GABRB3: variants seen among roughly 807,000 people sequenced by gnomAD.
GABRB3 encodes the protein gamma-aminobutyric acid receptor subunit beta-3.
In GABRB3, 14 loss-of-function variants were observed where a neutral mutation model predicts 52.1. The ratio of observed to expected loss-of-function variants is 0.27; its 90% confidence interval spans 0.18 to 0.42. The LOEUF (loss-of-function observed/expected upper bound fraction) is 0.42. Among genes scored for constraint, GABRB3 ranks in the 10% least tolerant of loss-of-function variants. The pLI is 1.00. For synonymous variants in GABRB3, 260 were observed against 232.3 expected, an observed-to-expected ratio of 1.12 and a Z score of -1.08; for missense variants, 307 against 609.1, an observed-to-expected ratio of 0.50 and a Z score of 5.22.
intron 4 of GABRB3, among the ~76,000 whole-genome samples, chr15:26,584,405 A>C (rs1890904031): frequency 6.6e-6 from 1 of 152,242 alleles, no homozygotes; most frequent in South Asian, 2.1e-4. Flanking sequence ...TACACTTTGG[A>C]ACTCTAAACC....
chr15:26,618,122 A>G (rs894161896), intron 4 of GABRB3, among the ~76,000 whole-genome samples: 1 of 152,164 alleles, frequency 6.6e-6, no homozygotes, highest in Non-Finnish European at 1.5e-5. Flanking sequence ...TGCCATCCCC[A>G]TCAAGCTACC....
chr15:26,600,653 G>C (rs1350335344), intron 4 of GABRB3, among the ~76,000 whole-genome samples: 1 of 152,104 alleles, frequency 6.6e-6, no homozygotes, highest in Non-Finnish European at 1.5e-5. Context: ...AAACGACAAA[G>C]AAATAAAAGC....
chr15:26,718,429 G>A (rs1028931576), intron 3 of GABRB3, among the ~76,000 whole-genome samples: 57 of 152,142 alleles, frequency 3.7e-4, no homozygotes, highest in Admixed American at 1.2e-3. Flanking sequence ...GGCTGCTCTC[G>A]AACTCCCGAC....
chr15:26,624,569 G>A (rs1262700869), intron 3 of GABRB3: 23 of 985,346 alleles, frequency 2.3e-5, no homozygotes, highest in Admixed American at 1.2e-4. Flanking sequence ...ACCACCAGCA[G>A]CGCCTCTCAG....
chr15:26,575,371 G>A (rs988023586), intron 6 of GABRB3, among the ~76,000 whole-genome samples: 1 of 152,138 alleles, frequency 6.6e-6, no homozygotes, highest in Non-Finnish European at 1.5e-5. Context: ...AGGAAGCACA[G>A]GTGAATTGTC....
intron 6 of GABRB3, among the ~76,000 whole-genome samples, chr15:26,580,070 A>G (rs1208800277): frequency 6.6e-6 from 1 of 152,188 alleles, no homozygotes; most frequent in Non-Finnish European, 1.5e-5. Context: ...TTGATTGGTG[A>G]AATTCATCCT....
intron 3 of GABRB3, among the ~76,000 whole-genome samples, chr15:26,769,738 C>T (rs764207900): frequency 2.0e-5 from 3 of 152,132 alleles, no homozygotes; most frequent in Non-Finnish European, 4.4e-5. Flanking sequence ...TACCTCCTTC[C>T]TCCCAGCCAG....
rs373254789 is a variant in GABRB3 at position 26,560,953 on chromosome 15, A to G, written c.1059T>C (p.Arg353=). Residue 353 remains arginine, a synonymous_variant, in exon 8 of 9, where the codon CGT becomes CGC. Transcript: ENST00000311550. The part of the protein sequence containing the change: ...AEKTAKAKND[R]SKSESNRVDA... ...CTACCCGGTTGCTTTCGCTCTTTGAACGGTCATTCTTTGCCTTGGCTGTCT... is the reference window on the plus strand; with the variant it reads ...CTACCCGGTTGCTTTCGCTCTTTGAGCGGTCATTCTTTGCCTTGGCTGTCT... 1.2e-6 allele frequency: 2 copies of G among 1,613,854 alleles called. No homozygotes were observed. The highest frequency in any genetic ancestry group is 2.7e-5 in the African/African-American group (2 of 74,916).
At position 26,621,188 on chromosome 15, in the gene GABRB3, G is replaced by A; in HGVS notation, c.461+126C>T. 1.2e-6 allele frequency: 1 copy of A among 834,646 alleles called. No individual in the cohort carries two copies. The highest frequency in any genetic ancestry group is 2.1e-6 in the Non-Finnish European group (1 of 486,984). 51.7% of individuals were successfully genotyped at this position (834,646 alleles called of 1,614,324 possible). On this transcript the variant is annotated intron_variant, in intron 4 of 8. Transcript: ENST00000311550. The surrounding 1 kb of genome is among the most constrained non-coding windows in gnomAD (Gnocchi z 4.1). ...AGATTTTTTTTTCTGCAAAGCTTTA[G>A]TGCTTCATAGATGCTTCCTAATTTA...
chr15:26,711,230 T>C (rs1365858415), intron 3 of GABRB3, among the ~76,000 whole-genome samples: 11 of 152,224 alleles, frequency 7.2e-5, no homozygotes, highest in Non-Finnish European at 4.4e-5. Flanking sequence ...TTTGAGGACA[T>C]TGTCATATGG....
intron 3 of GABRB3, chr15:26,658,342 T>C (rs1887438265): frequency 6.6e-6 from 1 of 152,218 alleles, no homozygotes; most frequent in African/African-American, 2.4e-5. Flanking sequence ...GTCTCCTGTC[T>C]AGCAGGCTCT....
At chr15:26,673,294 T>G (rs1887956457) in intron 3 of GABRB3, among the ~76,000 whole-genome samples, 1 of 152,146 alleles carries the variant, frequency 6.6e-6, no homozygotes, top group Non-Finnish European at 1.5e-5. Flanking sequence ...GCAGGCAACT[T>G]AGTAACAAGG....
At position 26,686,791 on chromosome 15, in the gene GABRB3, C is replaced by T. The variant is rs186811484; in HGVS notation, c.241-65257G>A. On this transcript the variant is annotated intron_variant, in intron 3 of 8. Coordinates refer to ENST00000311550, the MANE Select transcript of GABRB3 (RefSeq NM_000814.6). The stretch of plus-strand genomic sequence containing the variant: ...AGGGCACCCGGCGTGGGATGCCATC[C>T]AGGAGTCGCTGTGAATGGCCAACTT... 7.1e-4 allele frequency among the ~76,000 whole-genome samples: 108 copies of T among 152,376 alleles called. 1 individual carries two copies. The highest frequency in any genetic ancestry group is 2.5e-3 in the African/African-American group (106 of 41,596).
chr15:26,638,655 G>T (rs2140568328), intron 3 of GABRB3, among the ~76,000 whole-genome samples: 1 of 152,132 alleles, frequency 6.6e-6, no homozygotes, highest in South Asian at 2.1e-4. Flanking sequence ...CACCCCAGTT[G>T]CCTTGAGTCA....
At chr15:26,757,434 A>G (rs1351614431) in intron 3 of GABRB3, among the ~76,000 whole-genome samples, 2 of 152,188 alleles carry the variant, frequency 1.3e-5, no homozygotes, top group African/African-American at 4.8e-5. Flanking sequence ...AGTAACTTTA[A>G]TGTGGCCTTG....
In GABRB3 at chr15:26,661,083, G is replaced by A. The variant is rs141690890; in HGVS notation, c.241-39549C>T. Among the ~76,000 whole-genome samples, 1,210 of 151,982 alleles carry A rather than the reference G, an allele frequency of 8.0e-3. 18 individuals carry two copies. The highest frequency in any genetic ancestry group is 0.028 in the African/African-American group (1,160 of 41,404). On this transcript the variant is annotated intron_variant, in intron 3 of 8. Transcript: ENST00000311550. ...TGACAGGTTTAAGCCACTGTGCCCA[G>A]CCAAGAATAAAAAAAAAATTAAAAG...
In GABRB3 at chr15:26,548,088, T is replaced by C. The variant is rs756866953; in HGVS notation, c.1127A>G (p.Asn376Ser). ...GCCGCCTGAGACCTCATTCATTTCA[T>C]TGTGAACTTCCAGCGATGTCAACAG... is the stretch of plus-strand genomic sequence containing the variant. Reference protein sequence around the residue: ...NILLTSLEVHNEMNEVSGGIG... With the variant: ...NILLTSLEVHSEMNEVSGGIG... The change falls in exon 9 of 9, where the codon AAT becomes AGT. Residue 376 changes from asparagine to serine, a missense_variant. By Grantham distance (46) the Asn-to-Ser change is conservative. Around this residue, in one of 6 missense-constraint regions of GABRB3, gnomAD observed 115 missense variants for 166.9 expected, o/e 0.69. Transcript: ENST00000311550. 149 of 1,614,096 alleles carry C rather than the reference T, an allele frequency of 9.2e-5. No homozygotes were observed. Among genetic ancestry groups the C allele is most frequent in the Non-Finnish European group, 1.2e-4 (144 of 1,180,056 alleles).
intron 8 of GABRB3, among the ~76,000 whole-genome samples, chr15:26,554,021 T>TTTTTTATATATATATATATATA (rs1555400756): frequency 2.5e-4 from 6 of 23,668 alleles, no homozygotes; most frequent in African/African-American, 1.1e-3. Context: ...ACCTGACTAT[T>TTTTTTATATATATATATATATA]TATATATATA....
chr15:26,548,157 T>A (rs1332040864), intron 8 of GABRB3, 23 bp from the exon 9 acceptor site: 1 of 1,579,160 alleles, frequency 6.3e-7, no homozygotes, highest in African/African-American at 1.3e-5. Context: ...AAAATGCACA[T>A]GGTTAGACAG....
Sources: gnomAD v4.1 joint callset for allele counts (sites outside exome capture counted in the v4.1 genomes callset) on GRCh38, gnomAD v4.1.1 for gene constraint, gnomAD v4.1.1 regional missense constraint, Gnocchi (gnomAD v3.1) non-coding constraint, MANE v1.5 for transcripts, NCBI Gene and HGNC (gene_info 2026-07-23, HGNC 2026-07-21) for gene names.